DHX15: variants seen among roughly 807,000 people sequenced by gnomAD.
The protein encoded by DHX15 is DEAH-box helicase 15, also known as ATP-dependent RNA helicase DHX15.
DHX15 carries 11 observed loss-of-function variants against 94.4 expected under a neutral mutation model. The ratio of observed to expected loss-of-function variants is 0.12; its 90% CI spans 0.07 to 0.19. The LOEUF is 0.19. Ranked by LOEUF, DHX15 falls within the 10% of genes least tolerant of loss-of-function variation. The pLI, the probability that DHX15 is intolerant of heterozygous loss-of-function variation, is 1.00. For missense variants in DHX15, 304 were observed against 988.5 expected, an observed-to-expected ratio of 0.31 and a Z score of 9.29; for synonymous variants, 338 against 329.9, an observed-to-expected ratio of 1.02 and a Z score of -0.27.
At chr4:24,548,470 T>A (rs1721508140) in intron 6 of DHX15, among the ~76,000 whole-genome samples, 1 of 152,192 alleles carries the variant, frequency 6.6e-6, no homozygotes, top group African/African-American at 2.4e-5. Context: ...ATTAGAGGTC[T>A]GCACAGGGTC....
At chr4:24,531,588 C>T (rs543161293) in intron 12 of DHX15, among the ~76,000 whole-genome samples, 8 of 151,986 alleles carry the variant, frequency 5.3e-5, no homozygotes, top group South Asian at 4.2e-4. Context: ...CATAGTGGTG[C>T]GTGCCTGTAG....
chr4:24,551,629 T>C (rs1721607089), intron 5 of DHX15, among the ~76,000 whole-genome samples: 1 of 152,176 alleles, frequency 6.6e-6, no homozygotes, highest in South Asian at 2.1e-4. Context: ...AACAAATATT[T>C]TTTGAAAATA....
chr4:24,567,083 T>C (rs1456371653), intron 3 of DHX15, among the ~76,000 whole-genome samples: 1 of 152,180 alleles, frequency 6.6e-6, no homozygotes, highest in African/African-American at 2.4e-5. Flanking sequence ...ATTAGATTCC[T>C]TCAACACAAA....
intron 1 of DHX15, among the ~76,000 whole-genome samples, chr4:24,581,250 G>C (rs563315226): frequency 6.6e-6 from 1 of 152,002 alleles, no homozygotes; most frequent in African/African-American, 2.4e-5. Context: ...GGATGGTCTT[G>C]ATCTCCTGAC....
In DHX15 at chr4:24,584,492, T is replaced by G; in HGVS notation, c.-99A>C. 8.5e-7 allele frequency: 1 copy of G among 1,173,598 alleles called. No individual in the cohort carries two copies. Among genetic ancestry groups the G allele is most frequent in the Non-Finnish European group, 1.2e-6 (1 of 831,666 alleles). The allele number at this position is 1,173,598 out of a possible 1,614,324, so 72.7% of individuals were successfully genotyped here. ...CTTAACTCTGGAGGACCCCCACCCC[T>G]CCCGCTACTACAGCCCACACGGTGC... On this transcript the variant is annotated 5_prime_UTR_variant, in exon 1 of 14. Coordinates refer to ENST00000336812, the MANE Select transcript of DHX15 (RefSeq NM_001358.3).
At chr4:24,574,574 A>T (rs1722200769) in intron 2 of DHX15, among the ~76,000 whole-genome samples, 1 of 152,234 alleles carries the variant, frequency 6.6e-6, no homozygotes, top group Admixed American at 6.5e-5. Flanking sequence ...AGCAGTATGA[A>T]ATATAAAACT....
At chr4:24,556,511 A>G in intron 3 of DHX15, 101 bp from the exon 4 acceptor site, 1 of 989,138 alleles carries the variant, frequency 1.0e-6, no homozygotes, top group South Asian at 2.0e-5. Flanking sequence ...TAAATTAAAA[A>G]TAAACTTCTG....
chr4:24,543,153 T>G, intron 6 of DHX15, 127 bp from the exon 7 acceptor site: 2 of 645,636 alleles, frequency 3.1e-6, no homozygotes, highest in Non-Finnish European at 5.2e-6. Flanking sequence ...AGAAATATCA[T>G]TTGATCTTCA....
intron 6 of DHX15, among the ~76,000 whole-genome samples, chr4:24,546,769 CAA>C (rs775368191): frequency 6.6e-6 from 1 of 152,028 alleles, no homozygotes; most frequent in Non-Finnish European, 1.5e-5. Context: ...AAAAGGGACT[CAA>C]ATATAAAGTT....
chr4:24,555,279 C>T (rs1192096536), intron 4 of DHX15, among the ~76,000 whole-genome samples: 1 of 149,898 alleles, frequency 6.7e-6, no homozygotes, highest in Admixed American at 6.7e-5. Context: ...TAAAACAAAA[C>T]TTTGCAAATA....
intron 4 of DHX15, among the ~76,000 whole-genome samples, chr4:24,555,357 G>GT (rs1462621021): frequency 6.6e-6 from 1 of 150,460 alleles, no homozygotes; most frequent in Non-Finnish European, 1.5e-5. Flanking sequence ...TCCATAAAAA[G>GT]TTTCATAAGA....
At position 24,576,548 on chromosome 4, in the gene DHX15, T is replaced by C. The variant is rs781190036; in HGVS notation, c.202A>G (p.Met68Val). The C allele has an allele frequency of 1.6e-5, 26 of 1,614,060 alleles. No individual in the cohort carries two copies. The highest frequency in any genetic ancestry group is 6.7e-5 in the Admixed American group (4 of 59,992). Residue 68 changes from methionine (M) to valine (V), a missense_variant, in exon 2 of 14, where the codon ATG becomes GTG. Transcript: ENST00000336812. Reference protein sequence around the residue: ...EKELRASTNAMLISAGLPPLK... With the variant: ...EKELRASTNAVLISAGLPPLK... ...GGTGGTAATCCAGCACTGATAAGCATAGCATTTGTTGAAGCTCGCAACTCC... is the reference window on the plus strand; with the variant it reads ...GGTGGTAATCCAGCACTGATAAGCACAGCATTTGTTGAAGCTCGCAACTCC...
intron 6 of DHX15, among the ~76,000 whole-genome samples, chr4:24,547,943 C>CTATATATATA (rs757091144): frequency 2.1e-4 from 15 of 72,138 alleles, no homozygotes; most frequent in African/African-American, 8.2e-4. Flanking sequence ...ATATATATAT[C>CTATATATATA]TATATCTATA....
chr4:24,546,015 T>G (rs1721415869), intron 6 of DHX15, among the ~76,000 whole-genome samples: 1 of 152,088 alleles, frequency 6.6e-6, no homozygotes, highest in African/African-American at 2.4e-5. Flanking sequence ...ATAGAACCAC[T>G]TCCCCCCACT....
At chr4:24,539,811 G>A (rs1371602528) in intron 10 of DHX15, 1 of 209,246 alleles carries the variant, frequency 4.8e-6, no homozygotes, top group African/African-American at 2.3e-5. Flanking sequence ...AAAGATAGCA[G>A]TGATGGACCT....
intron 10 of DHX15, 199 bp downstream of exon 10, chr4:24,539,909 G>T: frequency 2.5e-6 from 1 of 392,318 alleles, no homozygotes; most frequent in Non-Finnish European, 4.5e-6. Flanking sequence ...CTTATCTTTT[G>T]TGCACAATGA....
chr4:24,529,078 C>CAG (rs1414021418), intron 13 of DHX15, among the ~76,000 whole-genome samples: 3 of 152,112 alleles, frequency 2.0e-5, no homozygotes, highest in Non-Finnish European at 2.9e-5. Context: ...GGCTGGAGTA[C>CAG]AGTGGCATGA....
chr4:24,541,773 C>A (rs1273251868), intron 8 of DHX15, 100 bp downstream of exon 8: 3 of 1,271,336 alleles, frequency 2.4e-6, no homozygotes, highest in Non-Finnish European at 3.2e-6. Context: ...AGCTTTTAAT[C>A]CTAAAAGGCA....
At chr4:24,529,844 G>C (rs1721037475) in intron 12 of DHX15, 74 bp from the exon 13 acceptor site, 4 of 1,412,274 alleles carry the variant, frequency 2.8e-6, no homozygotes, top group Non-Finnish European at 4.0e-6. Context: ...TACATAATTA[G>C]GAAGAGGCAG....
Sources: allele counts gnomAD v4.1 joint callset (sites outside exome capture counted in the v4.1 genomes callset), GRCh38; gene constraint gnomAD v4.1.1; transcripts MANE v1.5; gene names NCBI Gene and HGNC (gene_info 2026-07-23, HGNC 2026-07-21).